MAMDC2: variants seen among roughly 807,000 people sequenced by gnomAD.
MAMDC2 encodes MAM domain-containing protein 2.
Under a neutral mutation model 89.8 loss-of-function variants are expected in MAMDC2, and 57 were observed. The ratio of observed to expected loss-of-function variants is 0.63; its 90% CI spans 0.51 to 0.79. MAMDC2 has a LOEUF of 0.79. MAMDC2 is among the 30% of genes least tolerant of loss of function. The pLI, the probability that MAMDC2 is intolerant of heterozygous loss-of-function variation, is 0.00. For missense variants in MAMDC2, 800 were observed against 820.6 expected, an observed-to-expected ratio of 0.97 and a Z score of 0.31; for synonymous variants, 313 against 293.4, an observed-to-expected ratio of 1.07 and a Z score of -0.68.
intron 2 of MAMDC2, among the ~76,000 whole-genome samples, chr9:70,069,480 A>G (rs756612009): frequency 1.3e-4 from 20 of 152,208 alleles, no homozygotes; most frequent in Non-Finnish European, 2.2e-4. Context: ...TGTCATTGTA[A>G]ACACTTTATA....
At chr9:70,184,530 G>A (rs1431920338) in intron 11 of MAMDC2, among the ~76,000 whole-genome samples, 1 of 152,114 alleles carries the variant, frequency 6.6e-6, no homozygotes, top group Non-Finnish European at 1.5e-5. Flanking sequence ...ATCAGTCATA[G>A]ATTTGGTCTT....
At chr9:70,072,922 G>A (rs1051066472) in intron 2 of MAMDC2, among the ~76,000 whole-genome samples, 7 of 151,920 alleles carry the variant, frequency 4.6e-5, no homozygotes, top group East Asian at 1.9e-4. Flanking sequence ...TGCAACCTCC[G>A]CCTGCCAGGT....
At chr9:70,196,469 T>C (rs1277499693) in intron 11 of MAMDC2, among the ~76,000 whole-genome samples, 8 of 152,020 alleles carry the variant, frequency 5.3e-5, no homozygotes, top group Admixed American at 2.0e-4. Context: ...ACAGAAAGCA[T>C]TGAGACTACA....
intron 2 of MAMDC2, among the ~76,000 whole-genome samples, chr9:70,104,609 A>C (rs1025444894): frequency 3.9e-5 from 6 of 152,250 alleles, no homozygotes; most frequent in African/African-American, 1.2e-4. Flanking sequence ...ATTAGCCCCC[A>C]AAAAGAATGA....
chr9:70,203,764 C>A (rs2033157007), intron 11 of MAMDC2, among the ~76,000 whole-genome samples: 1 of 126,226 alleles, frequency 7.9e-6, no homozygotes, highest in East Asian at 2.4e-4. Flanking sequence ...TCTTTTTATT[C>A]TTTCTTCTCT....
Position 70,140,021 on chromosome 9 carries a change from A to G in MAMDC2, c.995-124A>G. ...GCATGCCCTTTGGATAAAGATATTT[A>G]GTTGTGTTTTACTTCTTCGGTCTCC... On this transcript the variant is annotated intron_variant, in intron 7 of 13. Transcript: ENST00000377182. The G allele has an allele frequency of 4.4e-6, 4 of 918,600 alleles. No individual in the cohort carries two copies. The South Asian group carries it at 9.3e-5, about 21-fold the overall frequency. 56.9% of individuals were successfully genotyped at this position (918,600 alleles called of 1,614,324 possible).
At chr9:70,095,832 A>G (rs888571336) in intron 2 of MAMDC2, among the ~76,000 whole-genome samples, 3 of 152,120 alleles carry the variant, frequency 2.0e-5, no homozygotes, top group Admixed American at 1.3e-4. Flanking sequence ...AAGTGCAGAC[A>G]TAGGAAGTCC....
chr9:70,123,139 C>G (rs2030364644), intron 5 of MAMDC2, among the ~76,000 whole-genome samples: 1 of 152,224 alleles, frequency 6.6e-6, no homozygotes, highest in Non-Finnish European at 1.5e-5. Flanking sequence ...AATTGTAGCT[C>G]TCCTCCACTC....
intron 11 of MAMDC2, among the ~76,000 whole-genome samples, chr9:70,212,378 T>C (rs2033371827): frequency 6.6e-6 from 1 of 152,238 alleles, no homozygotes; most frequent in African/African-American, 2.4e-5. Flanking sequence ...AATCTCAGAC[T>C]GCCGTGTTAG....
intron 6 of MAMDC2, among the ~76,000 whole-genome samples, chr9:70,127,277 T>A (rs577056921): frequency 9.2e-5 from 14 of 152,276 alleles, no homozygotes; most frequent in African/African-American, 2.9e-4. Flanking sequence ...AGCTGGTGAA[T>A]GCCAGAGAAC....
chr9:70,068,655 A>T (rs1210606824), intron 2 of MAMDC2, among the ~76,000 whole-genome samples: 1 of 137,600 alleles, frequency 7.3e-6, no homozygotes, highest in Non-Finnish European at 1.5e-5. Context: ...TGAACCCGGG[A>T]GGCAGAGGTT....
chr9:70,203,701 C>T (rs1395001282), intron 11 of MAMDC2, among the ~76,000 whole-genome samples: 5 of 106,828 alleles, frequency 4.7e-5, no homozygotes, highest in African/African-American at 1.8e-4. Flanking sequence ...ACCAATCAGA[C>T]GTAGATTTGG....
At chr9:70,195,340 G>A (rs1348990498) in intron 11 of MAMDC2, among the ~76,000 whole-genome samples, 2 of 152,016 alleles carry the variant, frequency 1.3e-5, no homozygotes, top group Non-Finnish European at 2.9e-5. Context: ...GCATCAAAGT[G>A]GGATGGATGC....
At chr9:70,148,370 A>G (rs2031471931) in intron 9 of MAMDC2, among the ~76,000 whole-genome samples, 1 of 150,290 alleles carries the variant, frequency 6.7e-6, no homozygotes. Context: ...TGGAGACAGC[A>G]TAACATAGTG....
chr9:70,053,714 G>T (rs1260906429), intron 2 of MAMDC2, among the ~76,000 whole-genome samples: 1 of 152,192 alleles, frequency 6.6e-6, no homozygotes, highest in Non-Finnish European at 1.5e-5. Flanking sequence ...GATACTTCTG[G>T]AAGAGGCATT....
At chr9:70,218,926 T>G (rs1256937407) in intron 12 of MAMDC2, among the ~76,000 whole-genome samples, 2 of 152,236 alleles carry the variant, frequency 1.3e-5, no homozygotes, top group African/African-American at 4.8e-5. Flanking sequence ...CTTCTAAATA[T>G]GGTATTACCT....
At chr9:70,183,933 CT>C (rs1224223657) in intron 11 of MAMDC2, among the ~76,000 whole-genome samples, 1 of 152,160 alleles carries the variant, frequency 6.6e-6, no homozygotes, top group African/African-American at 2.4e-5. Flanking sequence ...ATGATGGTAG[CT>C]GGTTATTGTG....
chr9:70,084,231 C>T (rs1324770888), intron 2 of MAMDC2, among the ~76,000 whole-genome samples: 2 of 152,090 alleles, frequency 1.3e-5, no homozygotes, highest in African/African-American at 4.8e-5. Context: ...GCAGGTCTGA[C>T]TTCCTATTTA....
intron 8 of MAMDC2, 151 bp from the exon 9 acceptor site, chr9:70,143,403 C>G (rs895260259): frequency 2.4e-5 from 20 of 817,248 alleles, no homozygotes; most frequent in Non-Finnish European, 3.7e-5. Flanking sequence ...TATTTTCTGT[C>G]ACTTAAGCCA....
Sources: gnomAD v4.1 joint callset for allele counts (sites outside exome capture counted in the v4.1 genomes callset) on GRCh38, gnomAD v4.1.1 for gene constraint, MANE v1.5 for transcripts, NCBI Gene and HGNC (gene_info 2026-07-23, HGNC 2026-07-21) for gene names.